Variants in TCF12 observed in about 807,000 individuals in gnomAD.
TCF12 encodes transcription factor 12, also known as DNA-binding protein HTF4.
Under a neutral mutation model 86.0 loss-of-function variants are expected in TCF12, and 45 were observed. The ratio of observed to expected loss-of-function variants is 0.52; its 90% CI spans 0.41 to 0.67. The LOEUF is 0.67. TCF12 is among the 30% of genes least tolerant of loss of function. The pLI is 0.00. For synonymous variants in TCF12, 330 were observed against 299.6 expected, an observed-to-expected ratio of 1.10 and a Z score of -1.05; for missense variants, 881 against 859.9, an observed-to-expected ratio of 1.02 and a Z score of -0.31.
intron 3 of TCF12, among the ~76,000 whole-genome samples, chr15:57,046,679 C>T (rs1417693772): frequency 5.9e-5 from 9 of 152,140 alleles, no homozygotes; most frequent in African/African-American, 2.2e-4. Flanking sequence ...TGTTCTCGAA[C>T]TCCTGACCTC....
At chr15:56,945,574 A>G (rs1461993089) in intron 3 of TCF12, among the ~76,000 whole-genome samples, 1 of 151,420 alleles carries the variant, frequency 6.6e-6, no homozygotes, top group Non-Finnish European at 1.5e-5. Flanking sequence ...GTGTCTTTCC[A>G]TTGTATTTTG....
At chr15:56,933,911 A>G (rs1168269633) in intron 3 of TCF12, among the ~76,000 whole-genome samples, 1 of 151,764 alleles carries the variant, frequency 6.6e-6, no homozygotes, top group Admixed American at 6.6e-5. Flanking sequence ...TTACATATAA[A>G]TATATATTTC....
At chr15:56,926,275 G>A (rs1347311906) in intron 3 of TCF12, among the ~76,000 whole-genome samples, 12 of 151,128 alleles carry the variant, frequency 7.9e-5, no homozygotes, top group African/African-American at 2.7e-4. Flanking sequence ...ATTGTGCCAC[G>A]GCACTCCAGC....
At chr15:57,192,022 A>T (rs375743320) in intron 6 of TCF12, 136 bp from the exon 7 acceptor site, 3 of 928,178 alleles carry the variant, frequency 3.2e-6, no homozygotes, top group Non-Finnish European at 4.8e-6. Context: ...GTCTAATTGA[A>T]TTCAAAACGT....
intron 3 of TCF12, among the ~76,000 whole-genome samples, chr15:56,956,090 G>GT (rs2140500621): frequency 6.6e-6 from 1 of 151,348 alleles, no homozygotes; most frequent in East Asian, 1.9e-4. Flanking sequence ...TTTTTTTCTT[G>GT]TTTTTACATT....
intron 5 of TCF12, among the ~76,000 whole-genome samples, chr15:57,151,935 G>A (rs2053791922): frequency 6.6e-6 from 1 of 152,152 alleles, no homozygotes; most frequent in African/African-American, 2.4e-5. Context: ...TGCCACTGGG[G>A]CAGGGGCAAA....
chr15:57,069,363 G>A (rs1222963614), intron 4 of TCF12, among the ~76,000 whole-genome samples: 3 of 152,038 alleles, frequency 2.0e-5, no homozygotes, highest in African/African-American at 4.8e-5. Flanking sequence ...TAAAAAAGAA[G>A]CAATATTAAG....
At chr15:57,203,373 A>G (rs981869099) in intron 8 of TCF12, among the ~76,000 whole-genome samples, 5 of 152,152 alleles carry the variant, frequency 3.3e-5, no homozygotes, top group Non-Finnish European at 5.9e-5. Context: ...GTTAGTGTTA[A>G]TATTTCCAAA....
chr15:57,119,888 G>C (rs1267844127), intron 5 of TCF12, among the ~76,000 whole-genome samples: 1 of 152,100 alleles, frequency 6.6e-6, no homozygotes, highest in African/African-American at 2.4e-5. Context: ...CACCAACCTT[G>C]TTTCTGTCTC....
At chr15:57,142,178 T>C (rs2053017773) in intron 5 of TCF12, among the ~76,000 whole-genome samples, 1 of 152,124 alleles carries the variant, frequency 6.6e-6, no homozygotes, top group Non-Finnish European at 1.5e-5. Flanking sequence ...TATGTAAACA[T>C]ATTATAGATA....
At chr15:56,980,947 A>G (rs1177848578) in intron 3 of TCF12, among the ~76,000 whole-genome samples, 2 of 152,216 alleles carry the variant, frequency 1.3e-5, no homozygotes, top group Non-Finnish European at 2.9e-5. Flanking sequence ...TCAAGACTAG[A>G]GGTTGATATT....
chr15:56,957,516 CT>C (rs1455580335), intron 3 of TCF12, among the ~76,000 whole-genome samples: 2 of 152,088 alleles, frequency 1.3e-5, no homozygotes, highest in Non-Finnish European at 2.9e-5. Context: ...GTTCAGTGTA[CT>C]TTTCATCTCA....
At chr15:57,233,951 A>C in intron 11 of TCF12, 92 bp from the exon 12 acceptor site, 1 of 966,682 alleles carries the variant, frequency 1.0e-6, no homozygotes, top group South Asian at 1.3e-5. Flanking sequence ...ATGTGAGATG[A>C]TGATAGAGAA....
At chr15:57,030,930 T>C (rs1269858719) in intron 3 of TCF12, among the ~76,000 whole-genome samples, 1 of 152,214 alleles carries the variant, frequency 6.6e-6, no homozygotes, top group African/African-American at 2.4e-5. Flanking sequence ...GACCAAGCTT[T>C]ATTTATTCAT....
At chr15:57,161,895 A>G (rs1218040700) in intron 5 of TCF12, among the ~76,000 whole-genome samples, 2 of 152,208 alleles carry the variant, frequency 1.3e-5, no homozygotes, top group Non-Finnish European at 2.9e-5. Context: ...AATTACAGGA[A>G]ATGTGAGGTT....
intron 5 of TCF12, among the ~76,000 whole-genome samples, chr15:57,163,683 A>G (rs139082348): frequency 2.0e-5 from 3 of 152,364 alleles, no homozygotes; most frequent in African/African-American, 7.2e-5. Context: ...AGCCTGTACG[A>G]CAGAGCGAGA....
At chr15:56,990,515 G>A (rs2063398543) in intron 3 of TCF12, among the ~76,000 whole-genome samples, 1 of 152,052 alleles carries the variant, frequency 6.6e-6, no homozygotes, top group African/African-American at 2.4e-5. Context: ...GGAACATTTA[G>A]AGGGATGTGG....
intron 4 of TCF12, among the ~76,000 whole-genome samples, chr15:57,078,672 TA>T (rs2070356435): frequency 1.3e-5 from 2 of 151,946 alleles, no homozygotes. Context: ...AAAAGATAGG[TA>T]AAAAAATAAG....
At chr15:57,024,696 C>A (rs750802412) in intron 3 of TCF12, among the ~76,000 whole-genome samples, 1 of 152,164 alleles carries the variant, frequency 6.6e-6, no homozygotes, top group Non-Finnish European at 1.5e-5. Context: ...CTGACTTAGA[C>A]CATTCCATAG....
Sources: gnomAD v4.1 joint callset for allele counts (sites outside exome capture counted in the v4.1 genomes callset) on GRCh38, gnomAD v4.1.1 for gene constraint, MANE v1.5 for transcripts, NCBI Gene and HGNC (gene_info 2026-07-23, HGNC 2026-07-21) for gene names.